Variants in AGBL3 observed in about 807,000 individuals in gnomAD.
AGBL3 encodes the protein cytosolic carboxypeptidase 3.
Under a neutral mutation model 94.5 loss-of-function variants are expected in AGBL3, and 68 were observed. That is an observed-to-expected ratio of 0.72 (90% CI 0.59 to 0.88). AGBL3 has a LOEUF of 0.88. Ranked by LOEUF, AGBL3 falls within the 40% of genes least tolerant of loss-of-function variation. The probability of loss-of-function intolerance (pLI) is 0.00; values close to 1 mark genes in which losing one functional copy is unlikely to be tolerated. For synonymous variants in AGBL3, 354 were observed against 370.7 expected, an observed-to-expected ratio of 0.95 and a Z score of 0.52; for missense variants, 934 against 1,103.8, an observed-to-expected ratio of 0.85 and a Z score of 2.18.
intron 4 of AGBL3, among the ~76,000 whole-genome samples, chr7:135,000,567 G>A (rs1042013225): frequency 3.3e-5 from 5 of 152,182 alleles, no homozygotes; most frequent in Non-Finnish European, 7.3e-5. Flanking sequence ...ACAGCAGATT[G>A]TGAGACTTCT....
intron 16 of AGBL3, among the ~76,000 whole-genome samples, chr7:135,125,593 A>C (rs1827766597): frequency 6.6e-6 from 1 of 152,202 alleles, no homozygotes; most frequent in East Asian, 1.9e-4. Flanking sequence ...ACAACAAAAA[A>C]AAGAAAACTT....
intron 4 of AGBL3, among the ~76,000 whole-genome samples, chr7:135,006,412 T>C (rs1226407087): frequency 6.6e-6 from 1 of 151,780 alleles, no homozygotes; most frequent in African/African-American, 2.4e-5. Flanking sequence ...GAATGAAAAT[T>C]TGGAGGACAA....
At chr7:135,040,003 C>T (rs960239851) in intron 8 of AGBL3, among the ~76,000 whole-genome samples, 1 of 151,982 alleles carries the variant, frequency 6.6e-6, no homozygotes, top group Admixed American at 6.6e-5. Flanking sequence ...GATGGCACAA[C>T]TTACCAATAT....
At position 135,076,466 on chromosome 7, in the gene AGBL3, G is replaced by A; in HGVS notation, c.1978G>A (p.Glu660Lys). 1 of 1,543,126 alleles carries A rather than the reference G, an allele frequency of 6.5e-7. No individual in the cohort carries two copies. Among genetic ancestry groups the A allele is most frequent in the Non-Finnish European group, 8.8e-7 (1 of 1,140,036 alleles). The part of the protein sequence containing the change: ...IASHQNARGQ[E>K]VYDRGHLLQR... ...AAGCCACCAAAATGCCAGAGGACAA[G>A]AGGTAAATCTTCATTAATCTAGTTA... Residue 660 changes from glutamate to lysine, a missense_variant and splice_region_variant, in exon 13 of 17, where the codon GAG becomes AAG. Around this residue, in one of 3 missense-constraint regions of AGBL3, gnomAD observed 441 missense variants for 518.2 expected, o/e 0.85. Coordinates refer to ENST00000436302, the MANE Select transcript of AGBL3 (RefSeq NM_178563.4).
rs182159595 is a variant in AGBL3, at chr7:135,056,360, T to C, written c.1842-2809T>C. ...TGTTCATTTTAAAGCTTTCTTCTTT[T>C]CTGACATATGCATTCAATGCTATAA... On this transcript the variant is annotated intron_variant, in intron 11 of 16. Transcript: ENST00000436302. Among the ~76,000 whole-genome samples the C allele has an allele frequency of 2.3e-3, 345 of 152,254 alleles. 1 individual carries two copies. Among genetic ancestry groups the C allele is most frequent in the African/African-American group, 7.6e-3 (316 of 41,580 alleles).
At chr7:134,998,021 T>C (rs1279939639) in intron 4 of AGBL3, among the ~76,000 whole-genome samples, 1 of 152,236 alleles carries the variant, frequency 6.6e-6, no homozygotes, top group Non-Finnish European at 1.5e-5. Context: ...TGATATTACA[T>C]ACCAAGGAGG....
At chr7:135,092,548 C>T (rs1822005648) in intron 15 of AGBL3, 1 of 152,128 alleles carries the variant, frequency 6.6e-6, no homozygotes, top group Admixed American at 6.6e-5. Context: ...GTGCCAGACA[C>T]TTGGGTACAA....
rs1562905696 is a variant in AGBL3, at chr7:135,129,068, A to T, written c.2343-5773A>T. The stretch of plus-strand genomic sequence containing the variant: ...AGGTTCAATGCCTCAACTGCCCAGA[A>T]CCAAAGTGCCCTTCAGTGGCCACTA... On this transcript the variant is annotated intron_variant, in intron 16 of 16. Coordinates refer to ENST00000436302, the MANE Select transcript of AGBL3 (RefSeq NM_178563.4). 9 of 1,608,488 alleles carry T rather than the reference A, an allele frequency of 5.6e-6. 1 individual carries two copies. Among genetic ancestry groups the T allele is most frequent in the Non-Finnish European group, 6.8e-6 (8 of 1,174,890 alleles).
intron 5 of AGBL3, among the ~76,000 whole-genome samples, chr7:135,019,298 C>T (rs888578646): frequency 5.9e-5 from 9 of 152,026 alleles, no homozygotes; most frequent in Non-Finnish European, 1.2e-4. Flanking sequence ...TGTGGAAATC[C>T]TTTTCATTTT....
chr7:135,077,794 A>T (rs1326008525), intron 13 of AGBL3, among the ~76,000 whole-genome samples: 2 of 152,166 alleles, frequency 1.3e-5, no homozygotes, highest in African/African-American at 4.8e-5. Flanking sequence ...CTTAATGCGC[A>T]TGCTCGAGCT....
chr7:135,083,970 T>C, intron 15 of AGBL3, among the ~76,000 whole-genome samples: 1 of 152,192 alleles, frequency 6.6e-6, no homozygotes, highest in East Asian at 1.9e-4. Context: ...GTTACCACTA[T>C]GGGGGCCACA....
chr7:135,050,962 T>G, intron 11 of AGBL3: 1 of 403,606 alleles, frequency 2.5e-6, no homozygotes. Context: ...TCTATTAGTC[T>G]TACAGTTTTT....
intron 16 of AGBL3, among the ~76,000 whole-genome samples, chr7:135,125,663 G>A (rs1827776011): frequency 6.6e-6 from 1 of 152,070 alleles, no homozygotes. Context: ...CTGGCAAACC[G>A]AATCCAGCAG....
intron 4 of AGBL3, among the ~76,000 whole-genome samples, chr7:135,015,045 A>C (rs1813604785): frequency 1.3e-5 from 2 of 152,242 alleles, no homozygotes; most frequent in African/African-American, 4.8e-5. Flanking sequence ...TAATGGAAAG[A>C]TGAATATAGA....
intron 3 of AGBL3, 34 bp downstream of exon 3, chr7:134,989,344 T>A: frequency 7.0e-7 from 1 of 1,438,268 alleles, no homozygotes; most frequent in Non-Finnish European, 9.4e-7. Context: ...TTGTTTAGCA[T>A]AAAACTTTGA....
intron 15 of AGBL3, chr7:135,093,579 A>T (rs1822189847): frequency 6.6e-6 from 1 of 152,198 alleles, no homozygotes. Flanking sequence ...TAAACTGAAA[A>T]CTACAAAAAA....
At chr7:135,077,389 A>T (rs770480437) in intron 13 of AGBL3, among the ~76,000 whole-genome samples, 1 of 152,050 alleles carries the variant, frequency 6.6e-6, no homozygotes, top group Non-Finnish European at 1.5e-5. Context: ...CCTCCCCTCC[A>T]CCTACAGTTC....
At chr7:135,035,900 G>C (rs1304875036) in intron 7 of AGBL3, among the ~76,000 whole-genome samples, 2 of 151,992 alleles carry the variant, frequency 1.3e-5, no homozygotes, top group Non-Finnish European at 2.9e-5. Context: ...CTAGAAACTT[G>C]TAACTATCAT....
chr7:135,023,869 T>C (rs893038021), intron 5 of AGBL3, among the ~76,000 whole-genome samples: 1 of 152,188 alleles, frequency 6.6e-6, no homozygotes, highest in Non-Finnish European at 1.5e-5. Flanking sequence ...ATCTGAATAC[T>C]TCCCAGTGGC....
Sources: gnomAD v4.1 joint callset for allele counts (sites outside exome capture counted in the v4.1 genomes callset) on GRCh38, gnomAD v4.1.1 for gene constraint, gnomAD v4.1.1 regional missense constraint, MANE v1.5 for transcripts, NCBI Gene and HGNC (gene_info 2026-07-23, HGNC 2026-07-21) for gene names.